The following MYO1F variants were observed in gnomAD, a reference collection of about 807,000 sequenced individuals.
MYO1F encodes myosin IF.
In MYO1F, 60 loss-of-function variants were observed where a neutral mutation model predicts 146.6. That is an observed-to-expected ratio of 0.41 (90% confidence interval 0.33 to 0.51). The LOEUF (loss-of-function observed/expected upper bound fraction) is 0.51, where lower values mean the gene tolerates loss of function less well. MYO1F is among the 20% of genes least tolerant of loss of function. The pLI is 0.25. For synonymous variants in MYO1F, 602 were observed against 602.1 expected (o/e 1.00, Z 0.00); for missense variants, 1,274 against 1,534.3 (o/e 0.83, Z 2.83).
At chr19:8,547,068 CAGG>C (rs1237270223) in intron 12 of MYO1F, among the ~76,000 whole-genome samples, 1 of 151,822 alleles carries the variant, frequency 6.6e-6, no homozygotes, top group Non-Finnish European at 1.5e-5. Flanking sequence ...CAGGCCAAGG[CAGG>C]AGGATTGCTT....
chr19:8,561,360 C>T (rs1205957014), intron 1 of MYO1F, among the ~76,000 whole-genome samples: 1 of 110,910 alleles, frequency 9.0e-6, no homozygotes. Context: ...TTCCCTCCCT[C>T]CCTCCCTCCC....
Position 8,530,871 on chromosome 19 carries a change from C to T in MYO1F, c.2044-298G>A, listed in dbSNP as rs978829007. Among the ~76,000 whole-genome samples the T allele has an allele frequency of 1.3e-5, 2 of 152,142 alleles. No homozygotes were observed. Among genetic ancestry groups the T allele is most frequent in the African/African-American group, 4.8e-5 (2 of 41,438 alleles). On this transcript the variant is annotated intron_variant, in intron 19 of 27. Transcript: ENST00000644032. This position sits in a 1 kb window ranked among gnomAD's most constrained non-coding sequence, Gnocchi z 5.8. The stretch of plus-strand genomic sequence containing the variant: ...CCTGACCGACATAGTGAAACCCCAT[C>T]TCTACTAAAAATACAAAAAGAAATT...
intron 1 of MYO1F, among the ~76,000 whole-genome samples, chr19:8,565,188 C>T (rs954326628): frequency 5.3e-5 from 8 of 152,042 alleles, no homozygotes; most frequent in Admixed American, 3.9e-4. Flanking sequence ...TGAGCCACCA[C>T]GCCTGGCTCA....
Position 8,523,858 on chromosome 19 carries a change from C to T in MYO1F, c.2855-1029G>A, listed in dbSNP as rs557633606. On this transcript the variant is annotated intron_variant, in intron 25 of 27. Transcript: ENST00000644032. The stretch of plus-strand genomic sequence containing the variant: ...TTTTTAGGCTAGGCGCGGTGGCTCA[C>T]GCCTGTAATCCTAGCACTTTGGGAG... Among the ~76,000 whole-genome samples, 22 of 152,158 alleles carry T rather than the reference C, an allele frequency of 1.4e-4. No individual in the cohort carries two copies. The South Asian group carries it at 3.5e-3, about 24-fold the overall frequency.
intron 19 of MYO1F, among the ~76,000 whole-genome samples, chr19:8,531,540 T>C (rs1179988244): frequency 6.6e-6 from 1 of 152,074 alleles, no homozygotes; most frequent in South Asian, 2.1e-4. Context: ...GGTCTTGCCA[T>C]GTTGCCCAGG....
intron 1 of MYO1F, among the ~76,000 whole-genome samples, chr19:8,570,734 T>A (rs2042093470): frequency 6.6e-6 from 1 of 151,798 alleles, no homozygotes; most frequent in South Asian, 2.1e-4. Context: ...GGTCTCAAAC[T>A]CCTGGACTGC....
chr19:8,536,230 C>T, intron 19 of MYO1F, 22 bp downstream of exon 19: 1 of 1,601,682 alleles, frequency 6.2e-7, no homozygotes, highest in Non-Finnish European at 8.5e-7. Context: ...TCCTTCTCTG[C>T]CTGTCCCTCA....
At chr19:8,569,072 C>T (rs190129837) in intron 1 of MYO1F, among the ~76,000 whole-genome samples, 57 of 152,192 alleles carry the variant, frequency 3.7e-4, no homozygotes, top group Admixed American at 3.2e-3. Flanking sequence ...CAGTGTTGGA[C>T]AGAAAGCCTG....
At chr19:8,563,517 T>C (rs1049583724) in intron 1 of MYO1F, among the ~76,000 whole-genome samples, 45 of 40,414 alleles carry the variant, frequency 1.1e-3, no homozygotes, top group African/African-American at 4.6e-4. Flanking sequence ...CTTTCTTTCT[T>C]TTTTTTTTGA....
rs1180471379 is a variant in MYO1F at position 8,548,118 on chromosome 19, T to C, written c.1187A>G (p.Asn396Ser). 7 of 1,612,104 alleles carry C rather than the reference T, an allele frequency of 4.3e-6. No individual in the cohort carries two copies. The African/African-American group carries it at 6.7e-5, about 15-fold the overall frequency. The change falls in exon 12 of 28, where the codon AAT (asparagine) becomes AGT (serine). Residue 396 changes from asparagine (N) to serine (S), a missense_variant. Physicochemically the swap from Asn to Ser is conservative, Grantham distance 46. This residue lies in a region of MYO1F where 900 missense variants were observed against 1,155.1 expected (regional missense o/e 0.78). Coordinates refer to ENST00000644032, the MANE Select transcript of MYO1F (RefSeq NM_012335.4). ...GTTGATGCAAAACTGCTCGAAGCCA[T>C]TTTTCTGCAGAAGGAGGAAAAGGGT... The part of the protein sequence containing the change: ...DIYGFEIFQK[N>S]GFEQFCINFV...
At chr19:8,528,930 T>C (rs541676721) in intron 21 of MYO1F, among the ~76,000 whole-genome samples, 1 of 152,136 alleles carries the variant, frequency 6.6e-6, no homozygotes, top group Non-Finnish European at 1.5e-5. Context: ...TGAGCTGGCC[T>C]GCGGTCAGAG....
intron 12 of MYO1F, among the ~76,000 whole-genome samples, chr19:8,547,626 G>A (rs561167848): frequency 4.8e-4 from 70 of 145,168 alleles, no homozygotes; most frequent in African/African-American, 1.8e-3. Context: ...AAAAATCCCT[G>A]ACTTACTTCC....
At chr19:8,536,883 G>A (rs1000296426) in intron 17 of MYO1F, 66 bp downstream of exon 17, 8 of 1,152,442 alleles carry the variant, frequency 6.9e-6, no homozygotes, top group South Asian at 1.2e-5. Context: ...GAGGTGTCTC[G>A]GTCAGTTCTA....
At position 8,526,820 on chromosome 19, in the gene MYO1F, G is replaced by GCGTCGCCTCCT; in HGVS notation, c.2579_2589dup (p.Pro866ArgfsTer18). On this transcript the variant is annotated frameshift_variant, in exon 23 of 28. Transcript: ENST00000644032. LOFTEE classifies it high-confidence loss of function. ...CTGAAGGTGAGGGGCAGGGGCCTCC[G>GCGTCGCCTCCT]CGTCGCCTCCTCGAAGCGCTTGCAC... 6.2e-7 allele frequency: 1 copy of GCGTCGCCTCCT among 1,613,396 alleles called. No homozygotes were observed. The highest frequency in any genetic ancestry group is 8.5e-7 in the Non-Finnish European group (1 of 1,179,802).
intron 1 of MYO1F, among the ~76,000 whole-genome samples, chr19:8,566,260 C>T (rs370015943): frequency 2.7e-5 from 4 of 147,484 alleles, no homozygotes; most frequent in East Asian, 4.1e-4. Flanking sequence ...CTCTGCCTCC[C>T]GGGTTCACGC....
chr19:8,543,708 C>A (rs58076701), intron 14 of MYO1F, among the ~76,000 whole-genome samples: 1 of 20,930 alleles, frequency 4.8e-5, no homozygotes, highest in Non-Finnish European at 9.5e-5. Flanking sequence ...GGTGGTGGTG[C>A]TGGTGGTGGT....
rs748437990 is a variant in MYO1F at position 8,555,825 on chromosome 19, G to T, written c.4-29C>A. The T allele has an allele frequency of 3.2e-5, 51 of 1,598,752 alleles. No individual in the cohort carries two copies. In the Admixed American group the frequency reaches 8.4e-4, roughly 26 times the overall value. ...GGGGGTGAGAGGGGGGTCGGGGTGA[G>T]CCCTTGCACGGGGATGCGGCACCTG... On this transcript the variant is annotated intron_variant, in intron 1 of 27. Transcript: ENST00000644032.
intron 1 of MYO1F, among the ~76,000 whole-genome samples, chr19:8,558,164 CTTTTCTTT>C (rs1973935038): frequency 6.8e-6 from 1 of 146,856 alleles, no homozygotes; most frequent in Admixed American, 6.8e-5. Context: ...TTTTCTTTTT[CTTTTCTTT>C]TTTTCTTTTG....
rs535601564 is a variant in MYO1F at position 8,539,525 on chromosome 19, G to C, written c.1692+422C>G. Among the ~76,000 whole-genome samples, 695 of 151,844 alleles carry C rather than the reference G, an allele frequency of 4.6e-3. 5 individuals carry two copies. Among genetic ancestry groups the C allele is most frequent in the Admixed American group, 8.8e-3 (135 of 15,258 alleles). ...GCAGAAGAATCACTTGAACCCAGGAGGCGGAGGTTGCAGAGGGCCCAGATT... is the reference window on the plus strand; with the variant it reads ...GCAGAAGAATCACTTGAACCCAGGACGCGGAGGTTGCAGAGGGCCCAGATT... On this transcript the variant is annotated intron_variant, in intron 16 of 27. Transcript: ENST00000644032.
Sources: gnomAD v4.1 joint callset for allele counts (sites outside exome capture counted in the v4.1 genomes callset) on GRCh38, gnomAD v4.1.1 for gene constraint, gnomAD v4.1.1 regional missense constraint, Gnocchi (gnomAD v3.1) non-coding constraint, MANE v1.5 for transcripts, NCBI Gene and HGNC (gene_info 2026-07-23, HGNC 2026-07-21) for gene names.